The following PTH1R variants were observed in gnomAD, a reference collection of about 807,000 sequenced individuals.
The protein encoded by PTH1R is parathyroid hormone 1 receptor.
Under a neutral mutation model 70.7 loss-of-function variants are expected in PTH1R, and 32 were observed. The observed-to-expected ratio is 0.45, with a 90% CI of 0.34 to 0.61. The LOEUF (loss-of-function observed/expected upper bound fraction) is 0.61, where lower values mean the gene tolerates loss of function less well. PTH1R is among the 20% of genes least tolerant of loss of function. PTH1R has a pLI of 0.01. For synonymous variants in PTH1R, 329 were observed against 324.8 expected (o/e 1.01, Z -0.14); for missense variants, 626 against 792.5 (o/e 0.79, Z 2.52).
intron 1 of PTH1R, among the ~76,000 whole-genome samples, chr3:46,878,210 G>A (rs1227744223): frequency 6.6e-6 from 1 of 152,220 alleles, no homozygotes. Context: ...GCTGCCATGG[G>A]AGCCTCCAGC....
intron 8 of PTH1R, 47 bp from the exon 9 acceptor site, chr3:46,898,615 C>G: frequency 1.2e-6 from 2 of 1,607,452 alleles, no homozygotes; most frequent in Non-Finnish European, 1.7e-6. Flanking sequence ...GTCCACCCAC[C>G]GCGCGTCCCC....
intron 10 of PTH1R, 146 bp downstream of exon 10, chr3:46,899,602 T>C (rs1432009744): frequency 1.8e-6 from 2 of 1,101,884 alleles, no homozygotes; most frequent in Non-Finnish European, 2.5e-6. Context: ...CCTTCTGTGA[T>C]CCTGACCCTA....
rs534539044 is a variant in PTH1R at position 46,902,281 on chromosome 3, AG to A, written c.1212-242del. ...CCAGCTGAGGGCTCCACAGGTGCGA[AG>A]GGCCCAGGGACAGGGGGACTGTCAT... On this transcript the variant is annotated intron_variant, in intron 13 of 15. Coordinates refer to ENST00000449590, the MANE Select transcript of PTH1R (RefSeq NM_000316.3). The surrounding 1 kb of genome is among the most constrained non-coding windows in gnomAD (Gnocchi z 5.4). Among the ~76,000 whole-genome samples, 7 of 152,250 alleles carry A rather than the reference AG, an allele frequency of 4.6e-5. No homozygotes were observed. Among genetic ancestry groups the A allele is most frequent in the Admixed American group, 4.6e-4 (7 of 15,306 alleles).
In PTH1R at chr3:46,883,722, T is replaced by A; in HGVS notation, c.75+88T>A. On this transcript the variant is annotated intron_variant, in intron 3 of 15. Coordinates refer to ENST00000449590, the MANE Select transcript of PTH1R (RefSeq NM_000316.3). This position sits in a 1 kb window ranked among gnomAD's most constrained non-coding sequence, Gnocchi z 6.4. ...AGGTCTAAGGCACGCAGTCTTGAGTTCCCCCAGTAGTTCGAACTTTGGGTG... is the reference window on the plus strand; with the variant it reads ...AGGTCTAAGGCACGCAGTCTTGAGTACCCCCAGTAGTTCGAACTTTGGGTG... 1 of 1,465,908 alleles carries A rather than the reference T, an allele frequency of 6.8e-7. No homozygotes were observed. The highest frequency in any genetic ancestry group is 9.3e-7 in the Non-Finnish European group (1 of 1,080,606). The allele number at this position is 1,465,908 out of a possible 1,614,324, so 90.8% of individuals were successfully genotyped here. A position where few individuals can be genotyped will look rare whatever the true frequency, so the allele number is the denominator to read the frequency against.
intron 4 of PTH1R, among the ~76,000 whole-genome samples, chr3:46,894,634 C>A (rs911333853): frequency 2.0e-5 from 3 of 152,094 alleles, no homozygotes; most frequent in Admixed American, 1.3e-4. Flanking sequence ...GAGCCTCTCG[C>A]TTCCTACTGT....
intron 3 of PTH1R, among the ~76,000 whole-genome samples, chr3:46,888,910 C>T (rs1042052945): frequency 6.6e-6 from 1 of 152,250 alleles, no homozygotes; most frequent in African/African-American, 2.4e-5. Context: ...CCCCCCCAGC[C>T]CCTCCCAGCC....
At chr3:46,900,814 G>C (rs1293640372) in intron 10 of PTH1R, among the ~76,000 whole-genome samples, 2 of 152,126 alleles carry the variant, frequency 1.3e-5, no homozygotes, top group African/African-American at 4.8e-5. Flanking sequence ...GAGGGCAGAG[G>C]CTGAGCTGGG....
chr3:46,884,633 C>G lies in PTH1R; in HGVS notation c.75+999C>G, dbSNP rs2030901017. 6.6e-6 allele frequency among the ~76,000 whole-genome samples: 1 copy of G among 152,138 alleles called. No individual in the cohort carries two copies. The highest frequency in any genetic ancestry group is 1.5e-5 in the Non-Finnish European group (1 of 68,024). ...ACTTCAAAGCCTCTTCTCCCTGCTC[C>G]CCAGTGGGGGTATCTGCCTGCTAGA... On this transcript the variant is annotated intron_variant, in intron 3 of 15. Coordinates refer to ENST00000449590, the MANE Select transcript of PTH1R (RefSeq NM_000316.3). This position sits in a 1 kb window ranked among gnomAD's most constrained non-coding sequence, Gnocchi z 4.8.
rs774133035 is a variant in PTH1R at position 46,884,850 on chromosome 3, G to A, written c.75+1216G>A. On this transcript the variant is annotated intron_variant, in intron 3 of 15. Transcript: ENST00000449590. This position sits in a 1 kb window ranked among gnomAD's most constrained non-coding sequence, Gnocchi z 4.8. ...GAGGGCCTGGAAGAAACATCTGCCT[G>A]AGAATCCCATCATCAGAGGCTCTCC... Among the ~76,000 whole-genome samples the A allele has an allele frequency of 6.6e-6, 1 of 152,160 alleles. No homozygotes were observed. Among genetic ancestry groups the A allele is most frequent in the Non-Finnish European group, 1.5e-5 (1 of 68,026 alleles).
chr3:46,901,132 C>G lies in PTH1R; in HGVS notation c.1049+47C>G. On this transcript the variant is annotated intron_variant, in intron 11 of 15. Transcript: ENST00000449590. This position sits in a 1 kb window ranked among gnomAD's most constrained non-coding sequence, Gnocchi z 7.3. ...GCCCAGGCAAGAAGCACCCCTGGGTCCCTTTTCTTCCAGGAAGCATGTGAG... is the reference window on the plus strand; with the variant it reads ...GCCCAGGCAAGAAGCACCCCTGGGTGCCTTTTCTTCCAGGAAGCATGTGAG... 1 of 1,548,174 alleles carries G rather than the reference C, an allele frequency of 6.5e-7. No homozygotes were observed. The highest frequency in any genetic ancestry group is 1.2e-5 in the South Asian group (1 of 84,178).
intron 1 of PTH1R, among the ~76,000 whole-genome samples, chr3:46,880,570 T>C (rs2030488216): frequency 6.6e-6 from 1 of 152,034 alleles, no homozygotes; most frequent in Non-Finnish European, 1.5e-5. Context: ...TGAAACCCCG[T>C]CTCTACCAAG....
At chr3:46,885,489 C>T (rs1432541663) in intron 3 of PTH1R, among the ~76,000 whole-genome samples, 2 of 152,146 alleles carry the variant, frequency 1.3e-5, no homozygotes, top group Admixed American at 6.5e-5. Context: ...CCACAATGAC[C>T]ATTATTTATC....
In PTH1R at chr3:46,897,419, C is replaced by T. The variant is rs184285318; in HGVS notation, c.314-436C>T. ...CTGAATTTTCCTGCTTGGGGCACAC[C>T]TGTCCCTGCAGGAACCAACAACCAC... On this transcript the variant is annotated intron_variant, in intron 5 of 15. Coordinates refer to ENST00000449590, the MANE Select transcript of PTH1R (RefSeq NM_000316.3). Among the ~76,000 whole-genome samples the T allele has an allele frequency of 2.6e-3, 402 of 152,336 alleles. 2 individuals are homozygous for T. Among genetic ancestry groups the T allele is most frequent in the Admixed American group, 4.4e-3 (68 of 15,308 alleles).
In PTH1R at chr3:46,878,282, C is replaced by T. The variant is rs188397077; in HGVS notation, c.-106+439C>T. ...CGAAATGGCTGTAAAAGTGGCACCT[C>T]GCTTCACTTATGGCCTAGCCATCCC... On this transcript the variant is annotated intron_variant, in intron 1 of 15. Coordinates refer to ENST00000449590, the MANE Select transcript of PTH1R (RefSeq NM_000316.3). 2.8e-3 allele frequency among the ~76,000 whole-genome samples: 420 copies of T among 152,342 alleles called. 3 individuals carry two copies. Among genetic ancestry groups the T allele is most frequent in the Admixed American group, 5.5e-3 (84 of 15,302 alleles).
chr3:46,898,885 C>A (rs918511076), intron 9 of PTH1R, 28 bp downstream of exon 9: 2 of 1,470,016 alleles, frequency 1.4e-6, no homozygotes, highest in African/African-American at 2.9e-5. Context: ...CGCCCGCTCC[C>A]GGTGCCGCCA....
rs917088480 is a variant in PTH1R at position 46,884,756 on chromosome 3, C to T, written c.75+1122C>T. Among the ~76,000 whole-genome samples, 13 of 152,246 alleles carry T rather than the reference C, an allele frequency of 8.5e-5. No homozygotes were observed. Among genetic ancestry groups the T allele is most frequent in the Admixed American group, 2.6e-4 (4 of 15,290 alleles). ...TTCCAATGAGCCTGGGATTCCTCCA[C>T]CTTTGCATGATGCCTGTGTAAGCCT... On this transcript the variant is annotated intron_variant, in intron 3 of 15. Coordinates refer to ENST00000449590, the MANE Select transcript of PTH1R (RefSeq NM_000316.3). This position sits in a 1 kb window ranked among gnomAD's most constrained non-coding sequence, Gnocchi z 4.8.
rs928242097 is a variant in PTH1R, at chr3:46,893,693, C to T, written c.76-214C>T. Among the ~76,000 whole-genome samples the T allele has an allele frequency of 3.9e-5, 6 of 152,146 alleles. No individual in the cohort carries two copies. The highest frequency in any genetic ancestry group is 8.8e-5 in the Non-Finnish European group (6 of 68,016). On this transcript the variant is annotated intron_variant, in intron 3 of 15. Transcript: ENST00000449590. The surrounding 1 kb of genome is among the most constrained non-coding windows in gnomAD (Gnocchi z 5.2). ...GGAGAGAGCCCCTGCTTTTTCCCTT[C>T]GATCAGGCAGGCCCTACCCCTCAGA...
At chr3:46,878,059 T>C (rs2030337082) in intron 1 of PTH1R, among the ~76,000 whole-genome samples, 1 of 152,186 alleles carries the variant, frequency 6.6e-6, no homozygotes, top group African/African-American at 2.4e-5. Flanking sequence ...TCTAGCTCCT[T>C]GGGAGCCTTA....
At position 46,882,186 on chromosome 3, in the gene PTH1R, G is replaced by A. The variant is rs1337084936; in HGVS notation, c.-49+1068G>A. On this transcript the variant is annotated intron_variant, in intron 2 of 15. Coordinates refer to ENST00000449590, the MANE Select transcript of PTH1R (RefSeq NM_000316.3). The surrounding 1 kb of genome is among the most constrained non-coding windows in gnomAD (Gnocchi z 4.3). ...TCCCGCGTCGGCGGCTGCGGAGGGGGTGGGGGCGGGAGAGGCCCGGGAGGG... is the reference window on the plus strand; with the variant it reads ...TCCCGCGTCGGCGGCTGCGGAGGGGATGGGGGCGGGAGAGGCCCGGGAGGG... 6.6e-6 allele frequency: 1 copy of A among 151,736 alleles called. No individual in the cohort carries two copies. The highest frequency in any genetic ancestry group is 6.5e-5 in the Admixed American group (1 of 15,272). 9.4% of individuals were successfully genotyped at this position (151,736 alleles called of 1,614,324 possible).
Sources: allele counts gnomAD v4.1 joint callset (sites outside exome capture counted in the v4.1 genomes callset), GRCh38; gene constraint gnomAD v4.1.1; non-coding constraint Gnocchi (gnomAD v3.1); transcripts MANE v1.5; gene names NCBI Gene and HGNC (gene_info 2026-07-23, HGNC 2026-07-21).